PDE4D: variants seen among roughly 807,000 people sequenced by gnomAD.
PDE4D encodes 3',5'-cyclic-AMP phosphodiesterase 4D.
PDE4D carries 24 observed loss-of-function variants against 87.4 expected under a neutral mutation model. The ratio of observed to expected loss-of-function variants is 0.27; its 90% CI spans 0.20 to 0.39. The LOEUF is 0.39. Among genes scored for constraint, PDE4D ranks in the 10% least tolerant of loss-of-function variants. The probability of loss-of-function intolerance (pLI) is 1.00; values close to 1 mark genes in which losing one functional copy is unlikely to be tolerated. For synonymous variants in PDE4D, 384 were observed against 383.2 expected, an observed-to-expected ratio of 1.00 and a Z score of -0.02; for missense variants, 714 against 1,041.0, an observed-to-expected ratio of 0.69 and a Z score of 4.32.
At chr5:59,672,359 C>A (rs1175335523) in intron 1 of PDE4D, among the ~76,000 whole-genome samples, 1 of 152,168 alleles carries the variant, frequency 6.6e-6, no homozygotes, top group Non-Finnish European at 1.5e-5. Context: ...CCCAGAGTCA[C>A]TCCTAGAGCA....
intron 5 of PDE4D, among the ~76,000 whole-genome samples, chr5:59,153,088 A>C (rs892226742): frequency 6.6e-6 from 1 of 151,900 alleles, no homozygotes; most frequent in Non-Finnish European, 1.5e-5. Flanking sequence ...AACAACAAAA[A>C]TCCCCCACCA....
At position 59,830,225 on chromosome 5, in the gene PDE4D, C is replaced by T. The variant is rs532570534; in HGVS notation, c.455+62943G>A. On this transcript the variant is annotated intron_variant, in intron 1 of 14. Transcript: ENST00000340635. ...GACAACAAAAGGACCAGAAGAGAGA[C>T]AGGCTCCCTTGCTAGTGTTCCAGCA... is the stretch of plus-strand genomic sequence containing the variant. Among the ~76,000 whole-genome samples, 4 of 152,184 alleles carry T rather than the reference C, an allele frequency of 2.6e-5. No homozygotes were observed. In the East Asian group the frequency reaches 7.7e-4, roughly 29 times the overall value.
intron 5 of PDE4D, among the ~76,000 whole-genome samples, chr5:59,040,508 GAGTAC>G (rs1280329978): frequency 6.6e-6 from 1 of 151,966 alleles, no homozygotes; most frequent in Non-Finnish European, 1.5e-5. Flanking sequence ...ACCATGTGCA[GAGTAC>G]ACTACAATTT....
chr5:60,067,173 T>C (rs1772196836), intron 2 of PDE4D, among the ~76,000 whole-genome samples: 1 of 152,108 alleles, frequency 6.6e-6, no homozygotes, highest in African/African-American at 2.4e-5. Flanking sequence ...GAAAATATCC[T>C]GAGCAGTTCT....
At chr5:59,688,935 T>A (rs954055655) in intron 1 of PDE4D, among the ~76,000 whole-genome samples, 1 of 152,122 alleles carries the variant, frequency 6.6e-6, no homozygotes, top group Non-Finnish European at 1.5e-5. Context: ...GAGAATACTA[T>A]AAACACCTCT....
chr5:59,887,735 GTGTT>G (rs934762967), intron 1 of PDE4D, among the ~76,000 whole-genome samples: 10 of 151,888 alleles, frequency 6.6e-5, no homozygotes, highest in South Asian at 2.1e-4. Flanking sequence ...GTGTGTGTGT[GTGTT>G]TGTGTGTGTG....
In PDE4D at chr5:59,893,283, G is replaced by T; in HGVS notation, c.340C>A (p.Arg114Ser). ...VRHRGYSDTERYLYCRAMDRT... is the reference protein window; with the variant it reads ...VRHRGYSDTESYLYCRAMDRT... The stretch of plus-strand genomic sequence containing the variant: ...TCCATGGCGCGACAGTACAGGTAGC[G>T]CTCGGTGTCCGAGTAGCCGCGATGC... Residue 114 changes from arginine to serine, a missense_variant, in exon 1 of 15, where the codon CGC (arginine) becomes AGC (serine). By Grantham distance (110) the Arg-to-Ser change is moderately radical. This residue lies in a region of PDE4D where 268 missense variants were observed against 272.9 expected (regional missense o/e 0.98). Transcript: ENST00000340635. 2 of 1,546,692 alleles carry T rather than the reference G, an allele frequency of 1.3e-6. No homozygotes were observed. The highest frequency in any genetic ancestry group is 1.2e-5 in the South Asian group (1 of 83,394).
chr5:60,322,455 C>A (rs567551164), intron 1 of PDE4D, among the ~76,000 whole-genome samples: 9 of 151,630 alleles, frequency 5.9e-5, no homozygotes, highest in Non-Finnish European at 1.2e-4. Flanking sequence ...GCTCTTTTCA[C>A]ACCTTTACCT....
At chr5:60,217,685 C>T (rs1406290304) in intron 1 of PDE4D, among the ~76,000 whole-genome samples, 1 of 151,104 alleles carries the variant, frequency 6.6e-6, no homozygotes, top group Non-Finnish European at 1.5e-5. Flanking sequence ...TATCAGAATA[C>T]ATAAAGAACA....
intron 1 of PDE4D, among the ~76,000 whole-genome samples, chr5:59,413,332 C>T (rs1793019488): frequency 2.6e-5 from 4 of 151,738 alleles, no homozygotes. Context: ...GTGGTGGGGG[C>T]CTGTAGTCCC....
chr5:59,066,795 T>C (rs1209312497), intron 5 of PDE4D, among the ~76,000 whole-genome samples: 1 of 151,984 alleles, frequency 6.6e-6, no homozygotes, highest in Non-Finnish European at 1.5e-5. Context: ...AGGGGATTAG[T>C]GGCTTATAAA....
chr5:60,073,583 A>G (rs1216778511), intron 2 of PDE4D, among the ~76,000 whole-genome samples: 4 of 151,686 alleles, frequency 2.6e-5, no homozygotes, highest in Admixed American at 6.6e-5. Context: ...AATAGTTTCA[A>G]TAAGAATGAT....
chr5:59,196,877 G>A (rs1745569233), intron 2 of PDE4D, among the ~76,000 whole-genome samples: 1 of 152,130 alleles, frequency 6.6e-6, no homozygotes, highest in South Asian at 2.1e-4. Context: ...TGCCACCTAT[G>A]CCGACTTGAT....
At chr5:60,473,638 G>C (rs937870040) in intron 1 of PDE4D, among the ~76,000 whole-genome samples, 2 of 151,906 alleles carry the variant, frequency 1.3e-5, no homozygotes, top group Non-Finnish European at 2.9e-5. Context: ...GGCACACACA[G>C]AGCTGATGAT....
intron 2 of PDE4D, among the ~76,000 whole-genome samples, chr5:60,116,174 G>A (rs1778155264): frequency 6.6e-6 from 1 of 152,052 alleles, no homozygotes; most frequent in African/African-American, 2.4e-5. Context: ...GCAAACGATG[G>A]ATTATAGTGA....
intron 1 of PDE4D, among the ~76,000 whole-genome samples, chr5:59,793,460 G>A (rs1400650190): frequency 6.6e-6 from 1 of 152,144 alleles, no homozygotes; most frequent in Non-Finnish European, 1.5e-5. Context: ...ACATTATAAG[G>A]AAGTAGTTAA....
At chr5:60,079,687 G>GA (rs1308883829) in intron 2 of PDE4D, among the ~76,000 whole-genome samples, 1 of 152,148 alleles carries the variant, frequency 6.6e-6, no homozygotes, top group Non-Finnish European at 1.5e-5. Flanking sequence ...AATGGTTGTA[G>GA]ATGTGTAGTG....
At chr5:60,234,085 T>G (rs1443283877) in intron 1 of PDE4D, among the ~76,000 whole-genome samples, 1 of 151,728 alleles carries the variant, frequency 6.6e-6, no homozygotes, top group African/African-American at 2.4e-5. Flanking sequence ...AAACAACAGG[T>G]CCATTAACAA....
chr5:59,785,617 C>G (rs1221746099), intron 1 of PDE4D, among the ~76,000 whole-genome samples: 1 of 152,232 alleles, frequency 6.6e-6, no homozygotes. Flanking sequence ...GATTAGTGGA[C>G]AGACAGGTGG....
Sources: allele counts gnomAD v4.1 joint callset (sites outside exome capture counted in the v4.1 genomes callset), GRCh38; gene constraint gnomAD v4.1.1; regional missense constraint gnomAD v4.1.1; transcripts MANE v1.5; gene names NCBI Gene and HGNC (gene_info 2026-07-23, HGNC 2026-07-21).